Variants in RARS2 observed in about 807,000 individuals in gnomAD.
RARS2 encodes arginyl-tRNA synthetase 2, mitochondrial, also known as probable arginine--tRNA ligase, mitochondrial.
A neutral mutation model predicts 88.5 loss-of-function variants in RARS2; 67 were observed. That is an observed-to-expected ratio of 0.76 (90% confidence interval 0.62 to 0.93). RARS2 has a LOEUF of 0.93. Ranked by LOEUF, RARS2 falls within the 40% of genes least tolerant of loss-of-function variation. RARS2 has a pLI of 0.00. For missense variants in RARS2, 664 were observed against 684.2 expected, an observed-to-expected ratio of 0.97 and a Z score of 0.33; for synonymous variants, 239 against 230.3, an observed-to-expected ratio of 1.04 and a Z score of -0.34.
intron 8 of RARS2, among the ~76,000 whole-genome samples, chr6:87,531,645 C>G (rs568626931): frequency 6.6e-6 from 1 of 152,234 alleles, no homozygotes; most frequent in South Asian, 2.1e-4. Flanking sequence ...CCTGTCTTAG[C>G]TGGTTTAGTT....
chr6:87,527,258 A>T (rs1183725428), intron 10 of RARS2, among the ~76,000 whole-genome samples: 1 of 152,084 alleles, frequency 6.6e-6, no homozygotes, highest in Non-Finnish European at 1.5e-5. Flanking sequence ...GCACTGAGCC[A>T]AGATCATGCC....
At chr6:87,522,120 A>T (rs1173426812) in intron 11 of RARS2, among the ~76,000 whole-genome samples, 1 of 152,180 alleles carries the variant, frequency 6.6e-6, no homozygotes, top group Non-Finnish European at 1.5e-5. Context: ...TCACGAGGTC[A>T]GGAGTTTGAG....
At chr6:87,535,000 T>C (rs1305898347) in intron 8 of RARS2, among the ~76,000 whole-genome samples, 1 of 152,146 alleles carries the variant, frequency 6.6e-6, no homozygotes, top group Non-Finnish European at 1.5e-5. Context: ...AGGACTGTCC[T>C]AGGAGACACA....
chr6:87,582,248 C>T (rs878940932), intron 1 of RARS2, among the ~76,000 whole-genome samples: 1 of 152,166 alleles, frequency 6.6e-6, no homozygotes, highest in Non-Finnish European at 1.5e-5. Flanking sequence ...TCCTATTTCT[C>T]CACAATCTCA....
chr6:87,531,059 G>T, intron 8 of RARS2, 117 bp from the exon 9 acceptor site: 1 of 1,505,178 alleles, frequency 6.6e-7, no homozygotes, highest in South Asian at 1.2e-5. Context: ...TTCCAAGTTG[G>T]GTACATTACA....
chr6:87,528,242 CAA>C (rs71018029), intron 10 of RARS2, among the ~76,000 whole-genome samples: 14,207 of 119,720 alleles, frequency 0.12, 706 homozygotes, highest in African/African-American at 0.17. Flanking sequence ...GCTTTTATAA[CAA>C]AAAAAAAAAA....
At chr6:87,569,693 A>C (rs1769027072) in intron 1 of RARS2, 103 bp from the exon 2 acceptor site, 4 of 880,594 alleles carry the variant, frequency 4.5e-6, no homozygotes, top group Non-Finnish European at 7.5e-6. Context: ...CTTAACACGA[A>C]TGAGCTCCAA....
At chr6:87,563,681 G>T (rs949827342) in intron 3 of RARS2, among the ~76,000 whole-genome samples, 3 of 152,178 alleles carry the variant, frequency 2.0e-5, no homozygotes, top group Admixed American at 2.0e-4. Context: ...ACTTAGAAAT[G>T]AAAGAGGCTT....
chr6:87,528,935 T>G (rs1235490458), intron 10 of RARS2, among the ~76,000 whole-genome samples: 1 of 152,212 alleles, frequency 6.6e-6, no homozygotes, highest in Non-Finnish European at 1.5e-5. Flanking sequence ...ATTTCAACAT[T>G]TCACAGTGTG....
intron 9 of RARS2, among the ~76,000 whole-genome samples, chr6:87,530,066 G>C (rs13193927): frequency 0.062 from 9,378 of 152,136 alleles, 346 homozygotes; most frequent in African/African-American, 0.11. Flanking sequence ...TAGCTCTTCT[G>C]TCACACTATT....
chr6:87,567,763 TATTTA>T (rs961683371), intron 2 of RARS2, among the ~76,000 whole-genome samples: 28 of 152,132 alleles, frequency 1.8e-4, no homozygotes, highest in African/African-American at 6.5e-4. Context: ...CCCTCCCCAA[TATTTA>T]ATTTATTTAT....
At position 87,575,455 on chromosome 6, in the gene RARS2, G is replaced by A. The variant is rs114612130; in HGVS notation, c.37-5865C>T. ...GGAGGCTTAATTTCCATGGTACCTC[G>A]TAAAATACATACATAGTGTCTACCA... On this transcript the variant is annotated intron_variant, in intron 1 of 19. Coordinates refer to ENST00000369536, the MANE Select transcript of RARS2 (RefSeq NM_020320.5). Among the ~76,000 whole-genome samples, 415 of 152,156 alleles carry A rather than the reference G, an allele frequency of 2.7e-3. 3 individuals are homozygous for A. Among genetic ancestry groups the A allele is most frequent in the African/African-American group, 9.5e-3 (393 of 41,510 alleles).
chr6:87,586,798 A>G (rs190385146), intron 1 of RARS2, among the ~76,000 whole-genome samples: 1 of 152,272 alleles, frequency 6.6e-6, no homozygotes, highest in Admixed American at 6.5e-5. Flanking sequence ...CAAGTGTTTC[A>G]ACTTTTGAAT....
Position 87,530,908 on chromosome 6 carries a change from T to C in RARS2, c.647A>G (p.Asp216Gly). The C allele has an allele frequency of 6.2e-7, 1 of 1,614,216 alleles. No individual in the cohort carries two copies. The highest frequency in any genetic ancestry group is 8.5e-7 in the Non-Finnish European group (1 of 1,180,016). Residue 216 changes from aspartate to glycine, a missense_variant, in exon 9 of 20, where the codon GAT becomes GGT. Transcript: ENST00000369536. ...YVQVNKEAADDKSVAKAAQEF... is the reference protein window; with the variant it reads ...YVQVNKEAADGKSVAKAAQEF... ...CTGTGCTGCTTTTGCTACACTTTTA[T>C]CATCTGCTGCTTCTTTATTAACTTG...
In RARS2 at chr6:87,519,599, G is replaced by A; in HGVS notation, c.1221C>T (p.Asn407=). The A allele has an allele frequency of 6.2e-7, 1 of 1,612,510 alleles. No individual in the cohort carries two copies. The highest frequency in any genetic ancestry group is 1.1e-5 in the South Asian group (1 of 91,062). Reference sequence around the variant, plus strand: ...TGAATTCACTCTTAATTGAAGCCATGTTCTGTAGCATCCTTAATTGAATCT... The same window carrying A: ...TGAATTCACTCTTAATTGAAGCCATATTCTGTAGCATCCTTAATTGAATCT... The part of the protein sequence containing the change: ...LNEIQLRMLQ[N]MASIKTTKEL... Residue 407 remains asparagine (N), a synonymous_variant, in exon 14 of 20, where the codon AAC becomes AAT. Transcript: ENST00000369536.
intron 1 of RARS2, among the ~76,000 whole-genome samples, chr6:87,579,461 G>C (rs889636912): frequency 5.9e-5 from 9 of 152,124 alleles, no homozygotes; most frequent in African/African-American, 1.9e-4. Context: ...ATAACTTCTA[G>C]GCCGATGCCC....
intron 18 of RARS2, among the ~76,000 whole-genome samples, chr6:87,515,518 T>G (rs1354830690): frequency 1.3e-5 from 2 of 148,196 alleles, no homozygotes. Flanking sequence ...AGACTCTGTC[T>G]CAAAAAAAAA....
rs760622922 is a variant in RARS2, at chr6:87,530,900, C to T, written c.655G>A (p.Val219Ile). ...AAGAACTCCTGTGCTGCTTTTGCTA[C>T]ACTTTTATCATCTGCTGCTTCTTTA... Reference protein sequence around the residue: ...VNKEAADDKSVAKAAQEFFQR... With the variant: ...VNKEAADDKSIAKAAQEFFQR... Residue 219 changes from valine (V) to isoleucine (I), a missense_variant, in exon 9 of 20, where the codon GTA (valine) becomes ATA (isoleucine). Transcript: ENST00000369536. 6.2e-6 allele frequency: 10 copies of T among 1,614,054 alleles called. No homozygotes were observed. The highest frequency in any genetic ancestry group is 4.0e-5 in the African/African-American group (3 of 74,928).
intron 1 of RARS2, among the ~76,000 whole-genome samples, chr6:87,570,450 G>A (rs771613397): frequency 5.3e-5 from 8 of 152,160 alleles, no homozygotes; most frequent in East Asian, 1.9e-4. Flanking sequence ...ACAGAGTCTC[G>A]CTCTGTCACC....
Sources: gnomAD v4.1 joint callset for allele counts (sites outside exome capture counted in the v4.1 genomes callset) on GRCh38, gnomAD v4.1.1 for gene constraint, MANE v1.5 for transcripts, NCBI Gene and HGNC (gene_info 2026-07-23, HGNC 2026-07-21) for gene names.